Variants in ULK3 observed in about 807,000 individuals in gnomAD.
ULK3 encodes the protein serine/threonine-protein kinase ULK3.
Under a neutral mutation model 69.4 loss-of-function variants are expected in ULK3, and 54 were observed. That is an observed-to-expected ratio of 0.78 (90% CI 0.63 to 0.98). The LOEUF (loss-of-function observed/expected upper bound fraction) is 0.98, where lower values mean the gene tolerates loss of function less well. Among genes scored for constraint, ULK3 ranks in the 50% least tolerant of loss-of-function variants. The pLI is 0.00. For missense variants in ULK3, 558 were observed against 627.7 expected (o/e 0.89, Z 1.19); for synonymous variants, 240 against 254.5 (o/e 0.94, Z 0.54).
chr15:74,837,906 C>A, intron 13 of ULK3, 108 bp from the exon 14 acceptor site: 1 of 1,282,180 alleles, frequency 7.8e-7, no homozygotes, highest in South Asian at 1.3e-5. Flanking sequence ...TCTGCCCCAT[C>A]AGAACAACTT....
chr15:74,841,685 C>G (rs577099661), intron 3 of ULK3, among the ~76,000 whole-genome samples, 176 bp from the exon 4 acceptor site: 1 of 152,200 alleles, frequency 6.6e-6, no homozygotes, highest in African/African-American at 2.4e-5. Context: ...TGCCACCCCA[C>G]CCGAGTGCCC....
rs2064159952 is a variant in ULK3, at chr15:74,839,436, G to A, written c.853-63C>T. ...TACCCTCCCACACTCACCAAGATGG[G>A]AGATCAGCTCCCCTGAGCCCGCCCT... On this transcript the variant is annotated intron_variant, in intron 7 of 15. Coordinates refer to ENST00000440863, the MANE Select transcript of ULK3 (RefSeq NM_001099436.4). 9 of 1,545,412 alleles carry A rather than the reference G, an allele frequency of 5.8e-6. No homozygotes were observed. In the South Asian group the frequency reaches 9.5e-5, roughly 16 times the overall value.
intron 12 of ULK3, 26 bp downstream of exon 12, chr15:74,838,239 GT>G: frequency 6.4e-7 from 1 of 1,564,390 alleles, no homozygotes; most frequent in South Asian, 1.2e-5. Context: ...CAGAGGCCCT[GT>G]GGGGGGCATA....
rs1205990154 is a variant in ULK3 at position 74,838,444 on chromosome 15, G to C, written c.1163C>G (p.Ala388Gly). ...ACCCCTCCCACTGGCACAAACCTTGGCCATGGCAGCTGAAGCCACTTCCAG... is the reference window on the plus strand; with the variant it reads ...ACCCCTCCCACTGGCACAAACCTTGCCCATGGCAGCTGAAGCCACTTCCAG... ...AALEVASAAM[A>G]KEEAAGGEQD... The change falls in exon 11 of 16, where the codon GCC (alanine) becomes GGC (glycine). Residue 388 changes from alanine to glycine, a missense_variant. Coordinates refer to ENST00000440863, the MANE Select transcript of ULK3 (RefSeq NM_001099436.4). 6.3e-7 allele frequency: 1 copy of C among 1,575,384 alleles called. No individual in the cohort carries two copies. Among genetic ancestry groups the C allele is most frequent in the Middle Eastern group, 1.7e-4 (1 of 6,024 alleles).
Position 74,840,653 on chromosome 15 carries a change from A to C in ULK3, c.470-12T>G. 6.5e-7 allele frequency: 1 copy of C among 1,546,254 alleles called. No individual in the cohort carries two copies. Among genetic ancestry groups the C allele is most frequent in the Non-Finnish European group, 8.7e-7 (1 of 1,149,138 alleles). On this transcript the variant is annotated splice_polypyrimidine_tract_variant and intron_variant, in intron 4 of 15. Coordinates refer to ENST00000440863, the MANE Select transcript of ULK3 (RefSeq NM_001099436.4). ...TGCGAAACCAAAGTCTGCAGGCAAG[A>C]GGAGAGGCAGCAGGGCTTGAATTCC... is the stretch of plus-strand genomic sequence containing the variant.
At position 74,837,469 on chromosome 15, in the gene ULK3, G is replaced by A. The variant is rs755303057; in HGVS notation, c.1336-34C>T. On this transcript the variant is annotated intron_variant, in intron 14 of 15. Transcript: ENST00000440863. ...TGTGAAGGCAGCACAAGGGATGAGA[G>A]GCAGACACACGAGCCACAGCGCAGT... is the stretch of plus-strand genomic sequence containing the variant. The A allele has an allele frequency of 1.6e-5, 26 of 1,594,622 alleles. No homozygotes were observed. The East Asian group carries it at 5.7e-4, about 35-fold the overall frequency.
At chr15:74,841,910 C>T (rs1237044369) in intron 3 of ULK3, among the ~76,000 whole-genome samples, 165 bp downstream of exon 3, 3 of 152,240 alleles carry the variant, frequency 2.0e-5, no homozygotes, top group Admixed American at 2.0e-4. Flanking sequence ...CCCACAGCGT[C>T]CTTGAGCAAG....
rs1010329589 is a variant in ULK3, at chr15:74,842,792, T to C, written c.102+212A>G. ...CACCAGGTAACCTGTTTTGAGCCTG[T>C]TCTTCAGCCACTGACCCTGCAGGTG... On this transcript the variant is annotated intron_variant, in intron 1 of 15. Transcript: ENST00000440863. This position sits in a 1 kb window ranked among gnomAD's most constrained non-coding sequence, Gnocchi z 4.9. The C allele has an allele frequency of 9.6e-6, 14 of 1,460,324 alleles. No homozygotes were observed. The highest frequency in any genetic ancestry group is 1.1e-5 in the Non-Finnish European group (12 of 1,097,792). 90.5% of individuals were successfully genotyped at this position (1,460,324 alleles called of 1,614,324 possible).
rs936227 is a variant in ULK3 at position 74,839,618 on chromosome 15, A to G, written c.792T>C (p.Phe264=). The change falls in exon 7 of 16, where the codon TTT becomes TTC. Residue 264 remains phenylalanine, a synonymous_variant. Transcript: ENST00000440863. ...DPSRRISFQD[F]FAHPWVDLEH... ...CCAGGTCCACCCAGGGGTGCGCAAAAAAGTCCTGGAAGGAGATGCGACGGC... is the reference window on the plus strand; with the variant it reads ...CCAGGTCCACCCAGGGGTGCGCAAAGAAGTCCTGGAAGGAGATGCGACGGC... 906,826 of 1,560,822 alleles carry G rather than the reference A, an allele frequency of 0.58. 268,758 individuals carry two copies. The highest frequency in any genetic ancestry group is 0.62 in the Non-Finnish European group (713,096 of 1,153,912).
Position 74,836,160 on chromosome 15 carries a change from T to C in ULK3, c.*1068A>G, listed in dbSNP as rs9210. ...TAGAGAAACAATGAATGATACTCTT[T>C]ACACTCAGCCTCCTGCAGGGAGGAC... On this transcript the variant is annotated 3_prime_UTR_variant, in exon 16 of 16. Transcript: ENST00000440863. The surrounding 1 kb of genome is among the most constrained non-coding windows in gnomAD (Gnocchi z 4.0). 0.68 allele frequency: 103,806 copies of C among 152,118 alleles called. 35,560 individuals are homozygous for C. Among genetic ancestry groups the C allele is most frequent in the Middle Eastern group, 0.74 (217 of 294 alleles). 9.4% of individuals were successfully genotyped at this position (152,118 alleles called of 1,614,324 possible).
intron 10 of ULK3, 26 bp downstream of exon 10, chr15:74,838,617 G>A (rs1295236979): frequency 2.5e-6 from 4 of 1,599,626 alleles, no homozygotes; most frequent in Non-Finnish European, 1.7e-6. Flanking sequence ...TGGGGGCCCT[G>A]GGGTCAGCCA....
Position 74,841,389 on chromosome 15 carries a change from T to C in ULK3, c.469+16A>G, listed in dbSNP as rs112735231. On this transcript the variant is annotated intron_variant, in intron 4 of 15. Transcript: ENST00000440863. Reference sequence around the variant, plus strand: ...TGCACTCTCCAAACCTCATCCCTGCTGTTTCAGACACAGACCTGCCAGTTT... The same window carrying C: ...TGCACTCTCCAAACCTCATCCCTGCCGTTTCAGACACAGACCTGCCAGTTT... 96 of 1,608,854 alleles carry C rather than the reference T, an allele frequency of 6.0e-5. No individual in the cohort carries two copies. The African/African-American group carries it at 1.0e-3, about 17-fold the overall frequency.
At chr15:74,839,769 C>T (rs1165422145) in intron 6 of ULK3, 56 bp from the exon 7 acceptor site, 6 of 1,469,836 alleles carry the variant, frequency 4.1e-6, no homozygotes, top group Non-Finnish European at 5.4e-6. Context: ...ACCCCTACCC[C>T]TAGCCCAGGG....
chr15:74,840,279 C>T lies in ULK3; in HGVS notation c.651G>A (p.Ser217=), dbSNP rs747121881. ...GGATCTTCTCTTCCAGCTCCGAGAA[C>T]GACCTGGAGGCAAAGGGGGGCTGCC... is the stretch of plus-strand genomic sequence containing the variant. ...LFGQPPFASR[S]FSELEEKIRS... Residue 217 remains serine (S), a synonymous_variant, in exon 6 of 16, where the codon TCG becomes TCA. Transcript: ENST00000440863. 14 of 1,611,216 alleles carry T rather than the reference C, an allele frequency of 8.7e-6. No individual in the cohort carries two copies. Among genetic ancestry groups the T allele is most frequent in the African/African-American group, 1.3e-5 (1 of 74,858 alleles).
rs1314928099 is a variant in ULK3, at chr15:74,842,149, C to T, written c.290G>A (p.Gly97Asp). Residue 97 changes from glycine (G) to aspartate (D), a missense_variant, in exon 3 of 16, where the codon GGC becomes GAC. Gly to Asp is a moderately conservative substitution (Grantham distance 94, BLOSUM62 -1). Transcript: ENST00000440863. The surrounding 1 kb of genome is among the most constrained non-coding windows in gnomAD (Gnocchi z 4.9). ...GGTATGGATGAAGCGAGACAGGTCG[C>T]CCCCTGCGCAAAACTCCATGATGAG... ...IYLIMEFCAGGDLSRFIHTRR... is the reference protein window; with the variant it reads ...IYLIMEFCAGDDLSRFIHTRR... 15 of 1,613,970 alleles carry T rather than the reference C, an allele frequency of 9.3e-6. No homozygotes were observed. The highest frequency in any genetic ancestry group is 1.2e-5 in the Non-Finnish European group (14 of 1,179,888).
In ULK3 at chr15:74,840,331, C is replaced by A; in HGVS notation, c.614-15G>T. ...GAAGAGGGCTTCTGTGGAAGGGAGG[C>A]AGAGCGGAGGCTGGGAGGGAATGGG... is the stretch of plus-strand genomic sequence containing the variant. On this transcript the variant is annotated splice_polypyrimidine_tract_variant and intron_variant, in intron 5 of 15. Coordinates refer to ENST00000440863, the MANE Select transcript of ULK3 (RefSeq NM_001099436.4). 1 of 1,604,510 alleles carries A rather than the reference C, an allele frequency of 6.2e-7. No homozygotes were observed. The highest frequency in any genetic ancestry group is 1.1e-5 in the South Asian group (1 of 89,270).
Position 74,839,596 on chromosome 15 carries a change from G to A in ULK3, c.814C>T (p.Leu272=). ...CTCTCCCCACTGGGCATGTGCTCCA[G>A]GTCCACCCAGGGGTGCGCAAAAAAG... ...QDFFAHPWVD[L]EHMPSGESLG... is the part of the protein sequence containing the mutation. The change falls in exon 7 of 16, where the codon CTG becomes TTG. Residue 272 remains leucine (L), a synonymous_variant. Transcript: ENST00000440863. 2 of 1,563,524 alleles carry A rather than the reference G, an allele frequency of 1.3e-6. No homozygotes were observed. The highest frequency in any genetic ancestry group is 2.4e-5 in the East Asian group (1 of 42,060).
intron 9 of ULK3, 64 bp downstream of exon 9, chr15:74,838,945 AG>A: frequency 1.9e-6 from 3 of 1,547,388 alleles, no homozygotes; most frequent in Non-Finnish European, 1.8e-6. Flanking sequence ...CATTCCCCAG[AG>A]GCCCCCGAGA....
At position 74,838,757 on chromosome 15, in the gene ULK3, A is replaced by G. The variant is rs1244831850; in HGVS notation, c.1000-12T>C. 5.0e-6 allele frequency: 8 copies of G among 1,592,330 alleles called. No individual in the cohort carries two copies. The highest frequency in any genetic ancestry group is 6.9e-6 in the Non-Finnish European group (8 of 1,167,294). ...ACGTACTGCCCCACCTGTAGCAGGG[A>G]AAGGGCCTGAGGAGGGGCTGTCTCA... On this transcript the variant is annotated splice_polypyrimidine_tract_variant and intron_variant, in intron 9 of 15. Coordinates refer to ENST00000440863, the MANE Select transcript of ULK3 (RefSeq NM_001099436.4).
Sources: allele counts gnomAD v4.1 joint callset (sites outside exome capture counted in the v4.1 genomes callset), GRCh38; gene constraint gnomAD v4.1.1; non-coding constraint Gnocchi (gnomAD v3.1); transcripts MANE v1.5; gene names NCBI Gene and HGNC (gene_info 2026-07-23, HGNC 2026-07-21).